Variants in HPS5 observed in about 807,000 individuals in gnomAD.
HPS5 encodes the protein BLOC-2 complex member HPS5.
In HPS5, 83 loss-of-function variants were observed where a neutral mutation model predicts 128.0. That is an observed-to-expected ratio of 0.65 (90% CI 0.54 to 0.78). HPS5 has a LOEUF of 0.78. Ranked by LOEUF, HPS5 falls within the 30% of genes least tolerant of loss-of-function variation. The probability of loss-of-function intolerance (pLI) is 0.00; values close to 1 mark genes in which losing one functional copy is unlikely to be tolerated. For missense variants in HPS5, 1,281 were observed against 1,326.2 expected (o/e 0.97, Z 0.53); for synonymous variants, 475 against 470.2 (o/e 1.01, Z -0.13).
At chr11:18,306,392 A>G in intron 6 of HPS5, 45 bp from the exon 7 acceptor site, 1 of 1,460,294 alleles carries the variant, frequency 6.8e-7, no homozygotes, top group Non-Finnish European at 9.6e-7. Context: ...TTACAAAAAA[A>G]AGTCAAAAAC....
chr11:18,287,774 G>A, intron 17 of HPS5, 84 bp from the exon 18 acceptor site: 1 of 1,584,196 alleles, frequency 6.3e-7, no homozygotes, highest in Non-Finnish European at 8.6e-7. Flanking sequence ...TATTACAAAT[G>A]AAAATAAATA....
In HPS5 at chr11:18,313,912, C is replaced by CAAA. The variant is rs58704871; in HGVS notation, c.109-1891_109-1889dup. Among the ~76,000 whole-genome samples, 1,103 of 110,668 alleles carry CAAA rather than the reference C, an allele frequency of 1.0e-2. 13 individuals carry two copies. Among genetic ancestry groups the CAAA allele is most frequent in the African/African-American group, 0.037 (945 of 25,404 alleles). 72.6% of individuals were successfully genotyped at this position (110,668 alleles called of 152,430 possible). On this transcript the variant is annotated intron_variant, in intron 2 of 22. Transcript: ENST00000349215. The stretch of plus-strand genomic sequence containing the variant: ...CTGGTGACAGAGCTAGACTCCGTCT[C>CAAA]AAAAAAAAAAAAAAAGGCCGGGTGC...
Position 18,285,339 on chromosome 11 carries a change from C to A in HPS5, c.2951+7G>T. On this transcript the variant is annotated splice_region_variant and intron_variant, in intron 20 of 22. Coordinates refer to ENST00000349215, the MANE Select transcript of HPS5 (RefSeq NM_181507.2). ...TTAACTTCAGTTTCTAAAAAATTCT[C>A]ACTTACCCACAAGACCTGCAGATGT... 6.3e-7 allele frequency: 1 copy of A among 1,576,834 alleles called. No homozygotes were observed. The highest frequency in any genetic ancestry group is 1.1e-5 in the South Asian group (1 of 90,200).
chr11:18,307,951 G>C (rs1212473040), intron 6 of HPS5, among the ~76,000 whole-genome samples: 1 of 152,094 alleles, frequency 6.6e-6, no homozygotes. Flanking sequence ...AGGTACACAG[G>C]TGTTGATTAC....
intron 20 of HPS5, 50 bp downstream of exon 20, chr11:18,285,296 A>T: frequency 1.8e-6 from 2 of 1,141,366 alleles, no homozygotes; most frequent in Non-Finnish European, 2.7e-6. Flanking sequence ...AAAGTTGTTA[A>T]CTGAAATGTT....
chr11:18,296,353 A>G (rs942898041), intron 12 of HPS5: 5 of 564,274 alleles, frequency 8.9e-6, no homozygotes, highest in African/African-American at 5.6e-5. Flanking sequence ...CTGAGTCCCC[A>G]TAAGTCAAAA....
chr11:18,308,261 C>T (rs570251000), intron 6 of HPS5, among the ~76,000 whole-genome samples: 1 of 152,286 alleles, frequency 6.6e-6, no homozygotes, highest in Admixed American at 6.5e-5. Context: ...CTTCATAAAG[C>T]TCTTAATTAT....
chr11:18,316,053 C>T (rs1349786234), intron 2 of HPS5, among the ~76,000 whole-genome samples: 4 of 152,162 alleles, frequency 2.6e-5, no homozygotes, highest in African/African-American at 9.7e-5. Context: ...TGCTTGAGGC[C>T]AGGAGTTCGA....
chr11:18,315,537 C>A (rs757286860), intron 2 of HPS5, among the ~76,000 whole-genome samples: 7 of 151,870 alleles, frequency 4.6e-5, no homozygotes, highest in Non-Finnish European at 7.4e-5. Flanking sequence ...CACTTGAACC[C>A]AGGAAGTGGA....
chr11:18,285,358 C>A lies in HPS5; in HGVS notation c.2939G>T (p.Cys980Phe), dbSNP rs1564928969. The A allele has an allele frequency of 6.2e-7, 1 of 1,607,028 alleles. No homozygotes were observed. The highest frequency in any genetic ancestry group is 8.5e-7 in the Non-Finnish European group (1 of 1,173,898). The change falls in exon 20 of 23, where the codon TGC becomes TTC. Residue 980 changes from cysteine (C) to phenylalanine (F), a missense_variant. Physicochemically the swap from Cys to Phe is radical, Grantham distance 205. Coordinates refer to ENST00000349215, the MANE Select transcript of HPS5 (RefSeq NM_181507.2). ...FITKEKMTDICRSCGFWPGYL... is the reference protein window; with the variant it reads ...FITKEKMTDIFRSCGFWPGYL... Reference sequence around the variant, plus strand: ...AATTCTCACTTACCCACAAGACCTGCAGATGTCTGTCATTTTCTCTTTGGT... The same window carrying A: ...AATTCTCACTTACCCACAAGACCTGAAGATGTCTGTCATTTTCTCTTTGGT...
chr11:18,311,514 T>A lies in HPS5; in HGVS notation c.220-63A>T, dbSNP rs11024618. Reference sequence around the variant, plus strand: ...GTTTTACATTATTATTATTATTATTTTTTTTTTTTTTTTTGAGACTGAGTC... The same window carrying A: ...GTTTTACATTATTATTATTATTATTATTTTTTTTTTTTTTGAGACTGAGTC... On this transcript the variant is annotated intron_variant, in intron 3 of 22. Coordinates refer to ENST00000349215, the MANE Select transcript of HPS5 (RefSeq NM_181507.2). 162,959 of 524,670 alleles carry A rather than the reference T, an allele frequency of 0.31. 10,313 individuals are homozygous for A. The highest frequency in any genetic ancestry group is 0.42 in the Middle Eastern group (659 of 1,578). The allele number at this position is 524,670 out of a possible 1,614,324, so 32.5% of individuals were successfully genotyped here.
intron 20 of HPS5, 41 bp downstream of exon 20, chr11:18,285,305 T>C (rs748189819): frequency 8.0e-7 from 1 of 1,253,856 alleles, no homozygotes. Context: ...AACTGAAATG[T>C]TTCTAACCTT....
chr11:18,289,722 GA>G (rs1294091818), intron 16 of HPS5, among the ~76,000 whole-genome samples: 1 of 152,186 alleles, frequency 6.6e-6, no homozygotes, highest in Non-Finnish European at 1.5e-5. Context: ...GGTAATGAAT[GA>G]AAAGTTGCTT....
chr11:18,281,642 G>A (rs1858981998), intron 22 of HPS5, among the ~76,000 whole-genome samples: 1 of 151,810 alleles, frequency 6.6e-6, no homozygotes, highest in African/African-American at 2.4e-5. Flanking sequence ...TTGACCTCAT[G>A]ATCCGCCCAC....
rs760024456 is a variant in HPS5, at chr11:18,306,226, T to A, written c.733A>T (p.Met245Leu). ...TCTCCATCAAAGTTCACTTCCCACA[T>A]CCTAGAGCCTGGGCGAGCACAATAT... is the stretch of plus-strand genomic sequence containing the variant. ...LIYCARPGSR[M>L]WEVNFDGEVI... Residue 245 changes from methionine (M) to leucine (L), a missense_variant, in exon 7 of 23, where the codon ATG becomes TTG. By Grantham distance (15) the Met-to-Leu change is conservative. Transcript: ENST00000349215. 1.2e-6 allele frequency: 2 copies of A among 1,614,088 alleles called. No homozygotes were observed. The highest frequency in any genetic ancestry group is 1.3e-5 in the African/African-American group (1 of 75,020).
At position 18,298,918 on chromosome 11, in the gene HPS5, A is replaced by T; in HGVS notation, c.1038T>A (p.Asn346Lys). ...CRNELFCLHL[N>K]GKVSHLSLIS... Reference sequence around the variant, plus strand: ...TCAGGGAGAGATGTGAGACTTTCCCATTTAGGTGCAAACAGAACAATTCAT... The same window carrying T: ...TCAGGGAGAGATGTGAGACTTTCCCTTTTAGGTGCAAACAGAACAATTCAT... Residue 346 changes from asparagine to lysine, a missense_variant, in exon 10 of 23, where the codon AAT becomes AAA. Transcript: ENST00000349215. 1 of 1,614,182 alleles carries T rather than the reference A, an allele frequency of 6.2e-7. No individual in the cohort carries two copies. The highest frequency in any genetic ancestry group is 8.5e-7 in the Non-Finnish European group (1 of 1,180,008).
chr11:18,313,685 G>T (rs1338978457), intron 2 of HPS5, among the ~76,000 whole-genome samples: 1 of 152,186 alleles, frequency 6.6e-6, no homozygotes. Flanking sequence ...GGAGGCCAAG[G>T]TGGGCGGATC....
At chr11:18,294,935 G>A (rs1421290098) in intron 14 of HPS5, 85 bp downstream of exon 14, 4 of 1,455,464 alleles carry the variant, frequency 2.7e-6, no homozygotes, top group African/African-American at 1.4e-5. Context: ...ACGGGCCACA[G>A]GCTGCACAAG....
intron 8 of HPS5, among the ~76,000 whole-genome samples, chr11:18,304,097 A>G (rs1166236991): frequency 1.3e-5 from 2 of 152,064 alleles, no homozygotes; most frequent in South Asian, 2.1e-4. Flanking sequence ...AAGAATGCTA[A>G]AGGAGGAAGA....
Sources: gnomAD v4.1 joint callset for allele counts (sites outside exome capture counted in the v4.1 genomes callset) on GRCh38, gnomAD v4.1.1 for gene constraint, MANE v1.5 for transcripts, NCBI Gene and HGNC (gene_info 2026-07-23, HGNC 2026-07-21) for gene names.